The following OR5B2 variants were observed in gnomAD, a reference collection of about 807,000 sequenced individuals.
OR5B2 encodes olfactory receptor 5B2.
For missense variants in OR5B2, 411 were observed against 367.0 expected (o/e 1.12, Z -0.98); for synonymous variants, 163 against 140.8 (o/e 1.16, Z -1.11).
At chr11:58,426,042 T>G (rs1855332864) in intron 2 of OR5B2, among the ~76,000 whole-genome samples, 1 of 152,148 alleles carries the variant, frequency 6.6e-6, no homozygotes, top group South Asian at 2.1e-4. Flanking sequence ...ATTTGCTGAC[T>G]TATTTATTTA....
At chr11:58,425,012 G>A (rs1360820907) in intron 2 of OR5B2, among the ~76,000 whole-genome samples, 2 of 152,038 alleles carry the variant, frequency 1.3e-5, no homozygotes, top group Non-Finnish European at 2.9e-5. Context: ...TTGAAACCAA[G>A]TTCCAACCTA....
intron 1 of OR5B2, among the ~76,000 whole-genome samples, chr11:58,427,750 A>G (rs1291894644): frequency 2.6e-5 from 4 of 152,274 alleles, no homozygotes; most frequent in East Asian, 3.9e-4. Flanking sequence ...GTGCTCCACA[A>G]TACACATACC....
At position 58,422,513 on chromosome 11, in the gene OR5B2, T is replaced by A. The variant is rs138755829; in HGVS notation, c.749A>T (p.Tyr250Phe). The change falls in exon 3 of 3, where the codon TAT becomes TTT. Residue 250 changes from tyrosine to phenylalanine, a missense_variant. Coordinates refer to ENST00000641342, the MANE Select transcript of OR5B2 (RefSeq NM_001005566.3). Reference protein sequence around the residue: ...ASHFTAVSVFYGTVIFIYLQP... With the variant: ...ASHFTAVSVFFGTVIFIYLQP... ...CAAGTAGATGAAGATTACTGTCCCATAGAAGACGGAGACTGCAGTGAAGTG... is the reference window on the plus strand; with the variant it reads ...CAAGTAGATGAAGATTACTGTCCCAAAGAAGACGGAGACTGCAGTGAAGTG... The A allele has an allele frequency of 3.1e-5, 50 of 1,613,786 alleles. No individual in the cohort carries two copies. In the East Asian group the frequency reaches 1.1e-3, roughly 35 times the overall value.
rs373196799 is a variant in OR5B2 at position 58,427,010 on chromosome 11, A to G, written c.-83-334T>C. The stretch of plus-strand genomic sequence containing the variant: ...ATAAGGCCACTTAGTACAATGGACA[A>G]CCTTTTACACTGAGATCAATAAATG... On this transcript the variant is annotated intron_variant, in intron 1 of 2. Transcript: ENST00000641342. 2.4e-3 allele frequency among the ~76,000 whole-genome samples: 368 copies of G among 150,436 alleles called. 16 individuals carry two copies. In the South Asian group the frequency reaches 0.074, roughly 30 times the overall value.
chr11:58,423,792 T>C (rs1211764405), intron 2 of OR5B2, among the ~76,000 whole-genome samples: 1 of 152,202 alleles, frequency 6.6e-6, no homozygotes, highest in African/African-American at 2.4e-5. Flanking sequence ...GCCTATCTTC[T>C]GGCTCAGGAG....
Position 58,422,994 on chromosome 11 carries a change from T to A in OR5B2, c.268A>T (p.Ile90Phe). The change falls in exon 3 of 3, where the codon ATC becomes TTC. Residue 90 changes from isoleucine (I) to phenylalanine (F), a missense_variant. Coordinates refer to ENST00000641342, the MANE Select transcript of OR5B2 (RefSeq NM_001005566.3). The part of the protein sequence containing the change: ...MAGFLRGDKV[I>F]SYNACAVQMF... ...TGAACAGCACATGCATTGTAGGAGA[T>A]GACCTTGTCTCCTCTAAGGAACCCA... 6.2e-7 allele frequency: 1 copy of A among 1,613,796 alleles called. No homozygotes were observed. Among genetic ancestry groups the A allele is most frequent in the Non-Finnish European group, 8.5e-7 (1 of 1,179,820 alleles).
Position 58,422,540 on chromosome 11 carries a change from G to A in OR5B2, c.722C>T (p.Ser241Phe), listed in dbSNP as rs772360868. ...GAAGACGGAGACTGCAGTGAAGTGAGAGGCACAGGTGGACAATGCTTTTTG... is the reference window on the plus strand; with the variant it reads ...GAAGACGGAGACTGCAGTGAAGTGAAAGGCACAGGTGGACAATGCTTTTTG... ...GHQKALSTCA[S>F]HFTAVSVFYG... The change falls in exon 3 of 3, where the codon TCT (serine) becomes TTT (phenylalanine). Residue 241 changes from serine (S) to phenylalanine (F), a missense_variant. By Grantham distance (155) the Ser-to-Phe change is radical (BLOSUM62 -2). Coordinates refer to ENST00000641342, the MANE Select transcript of OR5B2 (RefSeq NM_001005566.3). The A allele has an allele frequency of 5.0e-6, 8 of 1,613,722 alleles. No homozygotes were observed. Among genetic ancestry groups the A allele is most frequent in the Non-Finnish European group, 6.8e-6 (8 of 1,179,898 alleles).
Position 58,422,871 on chromosome 11 carries a change from T to C in OR5B2, c.391A>G (p.Thr131Ala), listed in dbSNP as rs1396931417. 9.3e-6 allele frequency: 15 copies of C among 1,613,696 alleles called. No individual in the cohort carries two copies. The South Asian group carries it at 1.3e-4, about 14-fold the overall frequency. The change falls in exon 3 of 3, where the codon ACC becomes GCC. Residue 131 changes from threonine to alanine, a missense_variant. Coordinates refer to ENST00000641342, the MANE Select transcript of OR5B2 (RefSeq NM_001005566.3). The part of the protein sequence containing the change: ...YAAVCKPLHY[T>A]TTMTASVGAC... The stretch of plus-strand genomic sequence containing the variant: ...CCTACACTGGCCGTCATGGTGGTGG[T>C]GTAGTGTAGGGGTTTGCACACTGCT...
rs529352353 is a variant in OR5B2, at chr11:58,422,292, A to G, written c.*40T>C. The G allele has an allele frequency of 6.3e-5, 82 of 1,304,834 alleles. 1 individual carries two copies. The South Asian group carries it at 9.4e-4, about 15-fold the overall frequency. 80.8% of individuals were successfully genotyped at this position (1,304,834 alleles called of 1,614,324 possible). ...ATGAGGAAAGTCTGAGATGAGGGAA[A>G]CAACATTTTTGTGTATACAACAATG... On this transcript the variant is annotated 3_prime_UTR_variant, in exon 3 of 3. Coordinates refer to ENST00000641342, the MANE Select transcript of OR5B2 (RefSeq NM_001005566.3).
intron 1 of OR5B2, among the ~76,000 whole-genome samples, chr11:58,427,300 T>C (rs1280130237): frequency 6.6e-6 from 1 of 152,174 alleles, no homozygotes; most frequent in Non-Finnish European, 1.5e-5. Context: ...TCAGGGTTAT[T>C]TCTTCTTGGT....
chr11:58,425,393 G>A (rs1855325118), intron 2 of OR5B2, among the ~76,000 whole-genome samples: 1 of 151,928 alleles, frequency 6.6e-6, no homozygotes, highest in Non-Finnish European at 1.5e-5. Flanking sequence ...ATCTACTTCT[G>A]TTCTGAAATA....
chr11:58,422,310 C>T lies in OR5B2; in HGVS notation c.*22G>A. ...GAGGGAAACAACATTTTTGTGTATA[C>T]AACAATGTTAAAATTCCAAACTTAT... On this transcript the variant is annotated 3_prime_UTR_variant, in exon 3 of 3. Coordinates refer to ENST00000641342, the MANE Select transcript of OR5B2 (RefSeq NM_001005566.3). 8 of 1,511,448 alleles carry T rather than the reference C, an allele frequency of 5.3e-6. No individual in the cohort carries two copies. The highest frequency in any genetic ancestry group is 7.3e-6 in the Non-Finnish European group (8 of 1,092,566). The allele number at this position is 1,511,448 out of a possible 1,614,324, so 93.6% of individuals were successfully genotyped here.
intron 1 of OR5B2, 77 bp from the exon 2 acceptor site, chr11:58,426,753 A>G (rs1301162559): frequency 2.0e-5 from 3 of 152,144 alleles, no homozygotes. Context: ...GAAGTTCTCT[A>G]GAGGGAGGGA....
chr11:58,421,800 T>A lies in OR5B2; in HGVS notation c.*532A>T, dbSNP rs1272719722. ...GTGGGGGCAGAAGGTATATGGGAAATCTCTGTACTTACCTCTCCATTTTGC... is the reference window on the plus strand; with the variant it reads ...GTGGGGGCAGAAGGTATATGGGAAAACTCTGTACTTACCTCTCCATTTTGC... On this transcript the variant is annotated 3_prime_UTR_variant, in exon 3 of 3. Transcript: ENST00000641342. 6.6e-6 allele frequency: 1 copy of A among 152,318 alleles called. No homozygotes were observed. Among genetic ancestry groups the A allele is most frequent in the African/African-American group, 2.4e-5 (1 of 41,422 alleles). 9.4% of individuals were successfully genotyped at this position (152,318 alleles called of 1,614,324 possible).
Position 58,422,600 on chromosome 11 carries a change from A to T in OR5B2, c.662T>A (p.Ile221Asn), listed in dbSNP as rs777537613. Reference sequence around the variant, plus strand: ...AGCTGAATGCATCTTCAAGATGGTGATGAATATGAACAAGTAGGAGATAAA... The same window carrying T: ...AGCTGAATGCATCTTCAAGATGGTGTTGAATATGAACAAGTAGGAGATAAA... Reference protein sequence around the residue: ...VIFISYLFIFITILKMHSAKG... With the variant: ...VIFISYLFIFNTILKMHSAKG... The change falls in exon 3 of 3, where the codon ATC becomes AAC. Residue 221 changes from isoleucine to asparagine, a missense_variant. Transcript: ENST00000641342. The T allele has an allele frequency of 6.2e-7, 1 of 1,613,682 alleles. No individual in the cohort carries two copies.
chr11:58,424,652 A>G (rs1855317662), intron 2 of OR5B2, among the ~76,000 whole-genome samples: 2 of 152,046 alleles, frequency 1.3e-5, no homozygotes, highest in South Asian at 4.1e-4. Flanking sequence ...TAAAATTATT[A>G]TTTAGATCAG....
rs1486711922 is a variant in OR5B2, at chr11:58,422,693, T to A, written c.569A>T (p.Lys190Ile). ...AACCAGAATCACCTCACTAGTGTGT[T>A]TATCAGAGCAAGACAGAGCCATGAC... ...PAVMALSCSDKHTSEVILVFM... is the reference protein window; with the variant it reads ...PAVMALSCSDIHTSEVILVFM... Residue 190 changes from lysine to isoleucine, a missense_variant, in exon 3 of 3, where the codon AAA (lysine) becomes ATA (isoleucine). Physicochemically the swap from Lys to Ile is moderately radical, Grantham distance 102. Coordinates refer to ENST00000641342, the MANE Select transcript of OR5B2 (RefSeq NM_001005566.3). The A allele has an allele frequency of 1.2e-6, 2 of 1,613,734 alleles. No homozygotes were observed. Among genetic ancestry groups the A allele is most frequent in the Non-Finnish European group, 1.7e-6 (2 of 1,179,820 alleles).
At position 58,422,236 on chromosome 11, in the gene OR5B2, G is replaced by T. The variant is rs145191369; in HGVS notation, c.*96C>A. On this transcript the variant is annotated 3_prime_UTR_variant, in exon 3 of 3. Coordinates refer to ENST00000641342, the MANE Select transcript of OR5B2 (RefSeq NM_001005566.3). Reference sequence around the variant, plus strand: ...AGAATATCACCTCATGAACTTAAATGTATTGTGGGGTTTCAAATGTAACTC... The same window carrying T: ...AGAATATCACCTCATGAACTTAAATTTATTGTGGGGTTTCAAATGTAACTC... The T allele has an allele frequency of 4.5e-5, 31 of 692,436 alleles. No individual in the cohort carries two copies. The African/African-American group carries it at 5.4e-4, about 12-fold the overall frequency. 42.9% of individuals were successfully genotyped at this position (692,436 alleles called of 1,614,324 possible). A position where few individuals can be genotyped will look rare whatever the true frequency, so the allele number is the denominator to read the frequency against.
Position 58,422,879 on chromosome 11 carries a change from A to T in OR5B2, c.383T>A (p.Leu128Gln). Residue 128 changes from leucine to glutamine, a missense_variant, in exon 3 of 3, where the codon CTA becomes CAA. Leu to Gln is a moderately radical substitution (Grantham distance 113, BLOSUM62 -2). Transcript: ENST00000641342. ...YDRYAAVCKP[L>Q]HYTTTMTASV... ...GGCCGTCATGGTGGTGGTGTAGTGT[A>T]GGGGTTTGCACACTGCTGCATAGCG... 6.2e-7 allele frequency: 1 copy of T among 1,613,830 alleles called. No homozygotes were observed.
Sources: allele counts gnomAD v4.1 joint callset (sites outside exome capture counted in the v4.1 genomes callset), GRCh38; gene constraint gnomAD v4.1.1; transcripts MANE v1.5; gene names NCBI Gene and HGNC (gene_info 2026-07-23, HGNC 2026-07-21).